Variants in RNF44 observed in about 807,000 individuals in gnomAD.
RNF44 encodes the protein ring finger protein 44.
A neutral mutation model predicts 53.6 loss-of-function variants in RNF44; 25 were observed. The observed-to-expected ratio is 0.47, with a 90% CI of 0.34 to 0.65. The LOEUF is 0.65. RNF44 is among the 30% of genes least tolerant of loss of function. The probability of loss-of-function intolerance (pLI) is 0.01; values close to 1 mark genes in which losing one functional copy is unlikely to be tolerated. For missense variants in RNF44, 581 were observed against 595.5 expected (o/e 0.98, Z 0.25); for synonymous variants, 282 against 252.2 (o/e 1.12, Z -1.12).
chr5:176,539,067 C>T (rs888817315), upstream of RNF44, among the ~76,000 whole-genome samples: 2 of 152,196 alleles, frequency 1.3e-5, no homozygotes, highest in African/African-American at 4.8e-5. Context: ...GAATCAGAAA[C>T]CCCCTTTCAG....
In RNF44 at chr5:176,532,428, G is replaced by C. The variant is rs1430915209; in HGVS notation, c.45C>G (p.Ala15=). The change falls in exon 2 of 11, where the codon GCC becomes GCG. Residue 15 remains alanine, a synonymous_variant. Coordinates refer to ENST00000274811, the MANE Select transcript of RNF44 (RefSeq NM_014901.5). ...CAGAGAATCGCCGCTGGCCCACGGG[G>C]GCGGAGGGTGGCCACCTAGTCACTG... ...ALAVTRWPPS[A]PVGQRRFSAG... 1 of 1,607,318 alleles carries C rather than the reference G, an allele frequency of 6.2e-7. No homozygotes were observed.
chr5:176,534,712 C>G (rs1192513291), intron 1 of RNF44, among the ~76,000 whole-genome samples: 1 of 152,350 alleles, frequency 6.6e-6, no homozygotes, highest in East Asian at 1.9e-4. Flanking sequence ...GCAGAACAGT[C>G]ACCATAATAA....
Position 176,532,439 on chromosome 5 carries a change from G to T in RNF44, c.34C>A (p.Pro12Thr). Reference protein sequence around the residue: ...RPWALAVTRWPPSAPVGQRRF... With the variant: ...RPWALAVTRWTPSAPVGQRRF... ...CGCTGGCCCACGGGGGCGGAGGGTGGCCACCTAGTCACTGCCAGAGCCCAT... is the reference window on the plus strand; with the variant it reads ...CGCTGGCCCACGGGGGCGGAGGGTGTCCACCTAGTCACTGCCAGAGCCCAT... Residue 12 changes from proline (P) to threonine (T), a missense_variant, in exon 2 of 11, where the codon CCA (proline) becomes ACA (threonine). Physicochemically the swap from Pro to Thr is conservative, Grantham distance 38. Around this residue, in one of 3 missense-constraint regions of RNF44, gnomAD observed 387 missense variants for 366.0 expected, o/e 1.06. Transcript: ENST00000274811. The T allele has an allele frequency of 6.3e-7, 1 of 1,596,950 alleles. No homozygotes were observed.
chr5:176,536,879 A>C (rs1757242629), intron 1 of RNF44, 61 bp downstream of exon 1: 1 of 151,012 alleles, frequency 6.6e-6, no homozygotes, highest in Non-Finnish European at 1.5e-5. Context: ...TTCCCAGGGG[A>C]GGGGAACAGA....
Position 176,529,518 on chromosome 5 carries a change from C to A in RNF44, c.1136+5G>T. 6.2e-7 allele frequency: 1 copy of A among 1,613,894 alleles called. No homozygotes were observed. Among genetic ancestry groups the A allele is most frequent in the Non-Finnish European group, 8.5e-7 (1 of 1,179,980 alleles). On this transcript the variant is annotated splice_donor_5th_base_variant and intron_variant, in intron 9 of 10. Coordinates refer to ENST00000274811, the MANE Select transcript of RNF44 (RefSeq NM_014901.5). ...GAGGGGTGGGAGGTGGGGCAGGGTA[C>A]TCACAGCGTCTGCTCCGACTGATGG...
At position 176,530,243 on chromosome 5, in the gene RNF44, CCT is replaced by C. The variant is rs1561844695; in HGVS notation, c.802-39_802-38del. On this transcript the variant is annotated intron_variant, in intron 6 of 10. Transcript: ENST00000274811. ...GCCAGGTGCAGGTCAGCCCAGCAGG[CCT>C]GCCTCCCAGCCGCCCCGGAGCCCAG... 1,330 of 1,236,878 alleles carry C rather than the reference CCT, an allele frequency of 1.1e-3. 110 individuals carry two copies. In the Admixed American group the frequency reaches 0.032, roughly 30 times the overall value. 76.6% of individuals were successfully genotyped at this position (1,236,878 alleles called of 1,614,324 possible).
At chr5:176,529,230 A>G (rs1756326947) in intron 10 of RNF44, 58 bp downstream of exon 10, 1 of 1,567,828 alleles carries the variant, frequency 6.4e-7, no homozygotes, top group Non-Finnish European at 8.8e-7. Context: ...AGCCCAGGCC[A>G]GCCCATCCCC....
chr5:176,531,861 A>T lies in RNF44; in HGVS notation c.297+143T>A. 1.0e-6 allele frequency: 1 copy of T among 998,224 alleles called. No homozygotes were observed. Among genetic ancestry groups the T allele is most frequent in the Non-Finnish European group, 1.5e-6 (1 of 687,620 alleles). 61.8% of individuals were successfully genotyped at this position (998,224 alleles called of 1,614,324 possible). On this transcript the variant is annotated intron_variant, in intron 3 of 10. Transcript: ENST00000274811. This position sits in a 1 kb window ranked among gnomAD's most constrained non-coding sequence, Gnocchi z 4.2. ...CAGTGTGGCCCTTTCCCCGGGCCTC[A>T]GTTTACCTACCTGTAAAGCAGGGCC...
chr5:176,532,481 C>G lies in RNF44; in HGVS notation c.-9G>C. On this transcript the variant is annotated 5_prime_UTR_variant, in exon 2 of 11. Transcript: ENST00000274811. ...AGAGCCCATGGTCGCATCGGGGGGG[C>G]AGGGGGGTGGAGGGGCTGGGCCGGG... is the stretch of plus-strand genomic sequence containing the variant. 4.0e-6 allele frequency: 6 copies of G among 1,516,788 alleles called. No individual in the cohort carries two copies. The highest frequency in any genetic ancestry group is 2.3e-5 in the East Asian group (1 of 42,928). The allele number at this position is 1,516,788 out of a possible 1,614,324, so 94.0% of individuals were successfully genotyped here.
Position 176,531,862 on chromosome 5 carries a change from G to C in RNF44, c.297+142C>G. On this transcript the variant is annotated intron_variant, in intron 3 of 10. Transcript: ENST00000274811. The surrounding 1 kb of genome is among the most constrained non-coding windows in gnomAD (Gnocchi z 4.2). Reference sequence around the variant, plus strand: ...AGTGTGGCCCTTTCCCCGGGCCTCAGTTTACCTACCTGTAAAGCAGGGCCA... The same window carrying C: ...AGTGTGGCCCTTTCCCCGGGCCTCACTTTACCTACCTGTAAAGCAGGGCCA... 2.0e-6 allele frequency: 2 copies of C among 1,014,966 alleles called. No homozygotes were observed. The highest frequency in any genetic ancestry group is 2.8e-6 in the Non-Finnish European group (2 of 702,480). The allele number at this position is 1,014,966 out of a possible 1,614,324, so 62.9% of individuals were successfully genotyped here.
In RNF44 at chr5:176,537,219, C is replaced by G. The variant is rs1054433497; in HGVS notation, c.-324G>C. On this transcript the variant is annotated 5_prime_UTR_variant, in exon 1 of 11. Coordinates refer to ENST00000274811, the MANE Select transcript of RNF44 (RefSeq NM_014901.5). ...TCAGGGAGCGGGAGGCGGCGCAGGA[C>G]GCAGCTGGGTCTGCGCGGCAGCCGG... is the stretch of plus-strand genomic sequence containing the variant. 2 of 152,366 alleles carry G rather than the reference C, an allele frequency of 1.3e-5. No individual in the cohort carries two copies. Among genetic ancestry groups the G allele is most frequent in the African/African-American group, 4.8e-5 (2 of 41,458 alleles). 9.4% of individuals were successfully genotyped at this position (152,366 alleles called of 1,614,324 possible).
In RNF44 at chr5:176,531,464, G is replaced by A. The variant is rs756584401; in HGVS notation, c.464C>T (p.Pro155Leu). The A allele has an allele frequency of 2.0e-5, 31 of 1,555,410 alleles. No homozygotes were observed. Among genetic ancestry groups the A allele is most frequent in the African/African-American group, 1.4e-4 (10 of 73,252 alleles). ...GAGGAGCTAGAAACACTCACTCACC[G>A]GGGGCGGGAGGCAGCAGAGGGGGTA... ...QHYPLCCLPP[P>L]LIQACTMQQL... The change falls in exon 4 of 11, where the codon CCG becomes CTG. Residue 155 changes from proline to leucine, a missense_variant and splice_region_variant. Pro to Leu is a moderately conservative substitution (Grantham distance 98). This residue lies in a region of RNF44 where 387 missense variants were observed against 366.0 expected (regional missense o/e 1.06). Transcript: ENST00000274811. The surrounding 1 kb of genome is among the most constrained non-coding windows in gnomAD (Gnocchi z 4.2).
At chr5:176,532,247 G>A (rs964695092) in intron 2 of RNF44, 54 bp from the exon 3 acceptor site, 136 of 1,505,632 alleles carry the variant, frequency 9.0e-5, no homozygotes, top group Non-Finnish European at 1.1e-4. Flanking sequence ...CTCGTGCACA[G>A]AGCAGGGAGA....
intron 1 of RNF44, among the ~76,000 whole-genome samples, chr5:176,533,134 C>G (rs919958284): frequency 3.9e-5 from 6 of 152,302 alleles, no homozygotes; most frequent in African/African-American, 1.4e-4. Flanking sequence ...AACTTGGCCT[C>G]CAGGCGGCAG....
At chr5:176,532,562 G>T (rs1156820928) in intron 1 of RNF44, 46 bp from the exon 2 acceptor site, 15 of 1,423,092 alleles carry the variant, frequency 1.1e-5, no homozygotes, top group Non-Finnish European at 1.3e-5. Flanking sequence ...GGCCAACATG[G>T]TGAAACCTCG....
At position 176,530,986 on chromosome 5, in the gene RNF44, C is replaced by T. The variant is rs1420612789; in HGVS notation, c.501G>A (p.Val167=). 3 of 1,455,322 alleles carry T rather than the reference C, an allele frequency of 2.1e-6. No individual in the cohort carries two copies. Among genetic ancestry groups the T allele is most frequent in the Non-Finnish European group, 2.7e-6 (3 of 1,106,820 alleles). The allele number at this position is 1,455,322 out of a possible 1,614,324, so 90.2% of individuals were successfully genotyped here. ...TGAGGTGGGGGTAGGCCTGATAGGG[C>T]ACAGGCAGCTGCTGCATGGTGCACG... ...IQACTMQQLP[V]PYQAYPHLIS... is the part of the protein sequence containing the mutation. Residue 167 remains valine (V), a synonymous_variant, in exon 5 of 11, where the codon GTG becomes GTA. Coordinates refer to ENST00000274811, the MANE Select transcript of RNF44 (RefSeq NM_014901.5).
At chr5:176,530,030 G>A (rs1484508397) in intron 7 of RNF44, 52 bp downstream of exon 7, 5 of 1,428,162 alleles carry the variant, frequency 3.5e-6, no homozygotes, top group South Asian at 1.8e-5. Flanking sequence ...ACCACTGGAG[G>A]TTCCAGGAGA....
rs116639500 is a variant in RNF44 at position 176,531,501 on chromosome 5, T to C, written c.427A>G (p.Ser143Gly). Residue 143 changes from serine to glycine, a missense_variant, in exon 4 of 11, where the codon AGT becomes GGT. By Grantham distance (56) the Ser-to-Gly change is moderately conservative. Around this residue, in one of 3 missense-constraint regions of RNF44, gnomAD observed 387 missense variants for 366.0 expected, o/e 1.06. Transcript: ENST00000274811. The surrounding 1 kb of genome is among the most constrained non-coding windows in gnomAD (Gnocchi z 4.2). ...QQLPACSVMF[S>G]GQHYPLCCLP... is the part of the protein sequence containing the mutation. ...CAGCAGAGGGGGTAATGCTGCCCACTGAACATCACGGAGCATGCTGGGAGC... is the reference window on the plus strand; with the variant it reads ...CAGCAGAGGGGGTAATGCTGCCCACCGAACATCACGGAGCATGCTGGGAGC... 4.6e-5 allele frequency: 74 copies of C among 1,594,432 alleles called. No individual in the cohort carries two copies. In the East Asian group the frequency reaches 1.6e-3, roughly 34 times the overall value.
chr5:176,542,074 G>C (rs1240748390), upstream of RNF44, among the ~76,000 whole-genome samples: 2 of 152,226 alleles, frequency 1.3e-5, no homozygotes, highest in East Asian at 3.8e-4. Flanking sequence ...GTCTGGAGAG[G>C]TGCTCCCCGT....
Sources: allele counts gnomAD v4.1 joint callset (sites outside exome capture counted in the v4.1 genomes callset), GRCh38; gene constraint gnomAD v4.1.1; regional missense constraint gnomAD v4.1.1; non-coding constraint Gnocchi (gnomAD v3.1); transcripts MANE v1.5; gene names NCBI Gene and HGNC (gene_info 2026-07-23, HGNC 2026-07-21).